Variants in MTMR8 observed in about 807,000 individuals in gnomAD.
The protein encoded by MTMR8 is phosphatidylinositol-3,5-bisphosphate 3-phosphatase MTMR8.
A neutral mutation model predicts 39.3 loss-of-function variants in MTMR8; 65 were observed. The ratio of observed to expected loss-of-function variants is 1.65; its 90% CI spans 1.35 to 2.03. MTMR8 has a LOEUF of 2.03. MTMR8 is among the 30% of genes most tolerant of loss of function. MTMR8 has a pLI of 0.00. For missense variants in MTMR8, 777 were observed against 538.9 expected (o/e 1.44, Z -4.37); for synonymous variants, 245 against 185.2 (o/e 1.32, Z -2.62).
chrX:64,303,692 A>G (rs1048538823), intron 12 of MTMR8, among the ~76,000 whole-genome samples: 1 of 112,631 alleles, frequency 8.9e-6, no homozygotes, highest in East Asian at 2.8e-4. Context: ...AAACTACTTT[A>G]TCAGTCTTTA....
chrX:64,329,338 G>T (rs1486936184), intron 11 of MTMR8, among the ~76,000 whole-genome samples: 1 of 111,510 alleles, frequency 9.0e-6, no homozygotes, highest in Non-Finnish European at 1.9e-5. Flanking sequence ...TAAGTTAAGT[G>T]ATAGGTTCTA....
chrX:64,353,081 C>T (rs1334419637), intron 4 of MTMR8, among the ~76,000 whole-genome samples: 3 of 111,621 alleles, frequency 2.7e-5, no homozygotes, highest in African/African-American at 9.8e-5. Context: ...TCAACAAAGG[C>T]ACCAAGGACA....
intron 4 of MTMR8, among the ~76,000 whole-genome samples, chrX:64,352,332 C>T (rs1923507397): frequency 9.0e-6 from 1 of 111,456 alleles, no homozygotes; most frequent in Non-Finnish European, 1.9e-5. Context: ...TGAACCTTTT[C>T]CCTTTGCTGA....
chrX:64,391,837 A>G (rs1924697534), intron 1 of MTMR8, among the ~76,000 whole-genome samples: 1 of 112,472 alleles, frequency 8.9e-6, no homozygotes, highest in South Asian at 3.7e-4. Flanking sequence ...GTTAAGTAGC[A>G]GAGTTGAGAT....
In MTMR8 at chrX:64,356,332, G is replaced by C. The variant is rs759868972; in HGVS notation, c.154C>G (p.Leu52Val). The change falls in exon 3 of 14, where the codon CTC (leucine) becomes GTC (valine). Residue 52 changes from leucine to valine, a missense_variant. Coordinates refer to ENST00000374852, the MANE Select transcript of MTMR8 (RefSeq NM_017677.4). ...TTCTCCACAGTGGCAATGTGATGGA[G>C]TGCAATCTGAAAAACATAAAAGAAC... ...GAARKETWIA[L>V]HHIATVEKLP... is the part of the protein sequence containing the mutation. 1 of 1,198,172 alleles carries C rather than the reference G, an allele frequency of 8.3e-7. No individual in the cohort carries two copies. The highest frequency in any genetic ancestry group is 1.8e-5 in the African/African-American group (1 of 56,213).
chrX:64,270,440 G>C (rs778464083), intron 13 of MTMR8, among the ~76,000 whole-genome samples: 2 of 111,957 alleles, frequency 1.8e-5, no homozygotes, highest in Admixed American at 9.5e-5. Flanking sequence ...CTCAGTTTAT[G>C]AAATCAACAA....
rs748260097 is a variant in MTMR8, at chrX:64,331,624, C to A, written c.1285G>T (p.Asp429Tyr). The part of the protein sequence containing the change: ...FNENFLLEIH[D>Y]HVFSCQFGNF... ...CCAAACTGGCAGGAGAAAACATGGT[C>A]ATGAATCTCCAGCAGGAAGTTTTCA... is the stretch of plus-strand genomic sequence containing the variant. Residue 429 changes from aspartate (D) to tyrosine (Y), a missense_variant, in exon 11 of 14, where the codon GAC becomes TAC. By Grantham distance (160) the Asp-to-Tyr change is radical. Coordinates refer to ENST00000374852, the MANE Select transcript of MTMR8 (RefSeq NM_017677.4). 3 of 1,210,343 alleles carry A rather than the reference C, an allele frequency of 2.5e-6. No homozygotes were observed. The South Asian group carries it at 5.3e-5, about 21-fold the overall frequency.
Position 64,359,404 on chromosome X carries a change from C to A in MTMR8, c.147+1G>T. On this transcript the variant is annotated splice_donor_variant, in intron 2 of 13. Transcript: ENST00000374852. LOFTEE classifies it high-confidence loss of function. ...TTTGATACTTCTTCTCATGAACATA[C>A]CCATGTTTCTTTCCGGGCTGCACCT... The A allele has an allele frequency of 8.3e-7, 1 of 1,202,221 alleles. No homozygotes were observed. The highest frequency in any genetic ancestry group is 1.1e-6 in the Non-Finnish European group (1 of 889,717).
intron 1 of MTMR8, among the ~76,000 whole-genome samples, chrX:64,374,059 G>T (rs571365783): frequency 3.6e-5 from 4 of 112,005 alleles, no homozygotes; most frequent in African/African-American, 1.3e-4. Context: ...CTATGTACCA[G>T]ATTCTGTGCT....
intron 1 of MTMR8, among the ~76,000 whole-genome samples, chrX:64,368,106 AG>A (rs892366937): frequency 8.0e-5 from 9 of 111,998 alleles, no homozygotes; most frequent in Non-Finnish European, 1.9e-5. Flanking sequence ...AAAATAAAAG[AG>A]GACACAAACA....
At chrX:64,289,118 A>G (rs140042140) in intron 12 of MTMR8, among the ~76,000 whole-genome samples, 1,233 of 110,833 alleles carry the variant, frequency 0.011, 16 homozygotes, top group African/African-American at 0.038. Flanking sequence ...GGACTTTGTC[A>G]TTTCTCCAAA....
intron 12 of MTMR8, among the ~76,000 whole-genome samples, chrX:64,302,660 C>A (rs1293974105): frequency 8.9e-6 from 1 of 112,581 alleles, no homozygotes. Flanking sequence ...TTGATAGTAC[C>A]AATCTGAAAA....
chrX:64,394,143 A>G (rs904153381), intron 1 of MTMR8, among the ~76,000 whole-genome samples: 2 of 111,594 alleles, frequency 1.8e-5, no homozygotes, highest in African/African-American at 6.5e-5. Flanking sequence ...TGTGCAAAGA[A>G]ACTCCCGTTT....
intron 6 of MTMR8, among the ~76,000 whole-genome samples, chrX:64,347,271 A>AC (rs1476454583): frequency 1.8e-5 from 2 of 111,419 alleles, no homozygotes; most frequent in African/African-American, 6.5e-5. Flanking sequence ...TTGGTGTTAG[A>AC]TTTGAACAAA....
At chrX:64,305,443 T>G in intron 12 of MTMR8, 1 of 288,021 alleles carries the variant, frequency 3.5e-6, no homozygotes, top group Non-Finnish European at 6.3e-6. Flanking sequence ...TTACCTGCAG[T>G]GATGTTACAG....
intron 12 of MTMR8, among the ~76,000 whole-genome samples, chrX:64,295,479 T>C (rs780634062): frequency 2.7e-5 from 3 of 111,298 alleles, no homozygotes; most frequent in South Asian, 3.8e-4. Flanking sequence ...CTGTACTTTA[T>C]CAAAATTTTG....
At chrX:64,371,190 C>A (rs1398127197) in intron 1 of MTMR8, among the ~76,000 whole-genome samples, 1 of 111,367 alleles carries the variant, frequency 9.0e-6, no homozygotes, top group Non-Finnish European at 1.9e-5. Flanking sequence ...AAATGTTCTC[C>A]TTATTAATCT....
intron 12 of MTMR8, among the ~76,000 whole-genome samples, chrX:64,301,208 G>A (rs1457812326): frequency 2.7e-5 from 3 of 109,384 alleles, no homozygotes; most frequent in Non-Finnish European, 5.7e-5. Flanking sequence ...TCACTTTCAG[G>A]TACACCAATC....
At position 64,303,414 on chromosome X, in the gene MTMR8, CAG is replaced by C. The variant is rs773590689; in HGVS notation, c.1481+25356_1481+25357del. Among the ~76,000 whole-genome samples the C allele has an allele frequency of 3.6e-4, 41 of 112,364 alleles. No homozygotes were observed. In the South Asian group the frequency reaches 0.011, roughly 30 times the overall value. On this transcript the variant is annotated intron_variant, in intron 12 of 13. Coordinates refer to ENST00000374852, the MANE Select transcript of MTMR8 (RefSeq NM_017677.4). ...ACACTGCAAAAATACTCTAGTTCAA[CAG>C]AGTTATGTTCACAAAACAATTTTTA...
Sources: allele counts gnomAD v4.1 joint callset (sites outside exome capture counted in the v4.1 genomes callset), GRCh38; gene constraint gnomAD v4.1.1; transcripts MANE v1.5; gene names NCBI Gene and HGNC (gene_info 2026-07-23, HGNC 2026-07-21).